Variants in FOXP1 observed in about 807,000 individuals in gnomAD.
FOXP1 encodes forkhead box P1.
Under a neutral mutation model 98.2 loss-of-function variants are expected in FOXP1, and 15 were observed. That is an observed-to-expected ratio of 0.15 (90% confidence interval 0.10 to 0.24). The LOEUF is 0.24. Among genes scored for constraint, FOXP1 ranks in the 10% least tolerant of loss-of-function variants. The pLI is 1.00. For synonymous variants in FOXP1, 371 were observed against 314.5 expected, an observed-to-expected ratio of 1.18 and a Z score of -1.90; for missense variants, 633 against 848.5, an observed-to-expected ratio of 0.75 and a Z score of 3.15.
Position 70,976,883 on chromosome 3 carries a change from C to T in FOXP1, c.1530+58G>A, listed in dbSNP as rs185135694. The T allele has an allele frequency of 1.1e-4, 135 of 1,285,478 alleles. 1 individual carries two copies. Among genetic ancestry groups the T allele is most frequent in the Non-Finnish European group, 1.5e-4 (133 of 881,334 alleles). 79.6% of individuals were successfully genotyped at this position (1,285,478 alleles called of 1,614,324 possible). ...TTATAGCACAACTGCATTTTATCAA[C>T]AACAAACTGTTCTATGAACGTCAAG... On this transcript the variant is annotated intron_variant, in intron 17 of 20. Transcript: ENST00000649528.
chr3:71,412,742 T>C (rs1404062915), intron 3 of FOXP1, among the ~76,000 whole-genome samples: 2 of 152,126 alleles, frequency 1.3e-5, no homozygotes, highest in Non-Finnish European at 2.9e-5. Flanking sequence ...ACTCCACCAC[T>C]GACTTACCCC....
rs563950873 is a variant in FOXP1, at chr3:70,984,889, A to G, written c.1146+3105T>C. On this transcript the variant is annotated intron_variant, in intron 14 of 20. Transcript: ENST00000649528. ...ATCCAAATCTGATGAGTCCCACAAT[A>G]AGATCCAGAAAATGCGTCTATGAGC... Among the ~76,000 whole-genome samples the G allele has an allele frequency of 2.0e-5, 3 of 152,316 alleles. No homozygotes were observed. The East Asian group carries it at 5.8e-4, about 29-fold the overall frequency.
chr3:71,145,491 G>A (rs1260310099), intron 6 of FOXP1, among the ~76,000 whole-genome samples: 3 of 152,220 alleles, frequency 2.0e-5, no homozygotes, highest in South Asian at 4.2e-4. Flanking sequence ...GCAATGAGCT[G>A]AGATCGTACC....
In FOXP1 at chr3:71,311,251, A is replaced by G. The variant is rs142708707; in HGVS notation, c.-72-11371T>C. Among the ~76,000 whole-genome samples the G allele has an allele frequency of 7.4e-3, 1,120 of 152,126 alleles. 30 individuals carry two copies. Among genetic ancestry groups the G allele is most frequent in the Non-Finnish European group, 4.7e-3 (321 of 67,992 alleles). ...CTAGAGGCACGTGCCACCATGCCTC[A>G]CTAGTTTTTTCAATTTTTTGTAGGG... On this transcript the variant is annotated intron_variant, in intron 4 of 20. Transcript: ENST00000649528.
At chr3:71,230,189 G>A (rs1002956940) in intron 5 of FOXP1, among the ~76,000 whole-genome samples, 4 of 152,216 alleles carry the variant, frequency 2.6e-5, no homozygotes, top group East Asian at 1.9e-4. Flanking sequence ...TTACAAGAGC[G>A]TCACTGTGCG....
At chr3:71,519,899 A>G (rs2042854614) in intron 2 of FOXP1, among the ~76,000 whole-genome samples, 1 of 152,258 alleles carries the variant, frequency 6.6e-6, no homozygotes, top group Admixed American at 6.5e-5. Context: ...GTCCCTGCTG[A>G]ATGCAGTCCC....
At chr3:71,376,598 G>GT (rs1435009996) in intron 3 of FOXP1, among the ~76,000 whole-genome samples, 2 of 152,184 alleles carry the variant, frequency 1.3e-5, no homozygotes, top group African/African-American at 4.8e-5. Flanking sequence ...TCAAAATAGC[G>GT]TAAGAAGCCA....
intron 3 of FOXP1, among the ~76,000 whole-genome samples, chr3:71,474,150 GTTT>G (rs553601357): frequency 3.2e-4 from 49 of 152,170 alleles, no homozygotes; most frequent in African/African-American, 1.2e-3. Flanking sequence ...ACACTTAGAT[GTTT>G]TATTGTTTCA....
At chr3:71,097,823 T>C (rs966018979) in intron 7 of FOXP1, among the ~76,000 whole-genome samples, 4 of 152,114 alleles carry the variant, frequency 2.6e-5, no homozygotes, top group Admixed American at 2.0e-4. Context: ...ATTTCTAGAG[T>C]GCCACCTTTG....
chr3:71,248,717 G>A (rs2067950873), intron 5 of FOXP1, among the ~76,000 whole-genome samples: 1 of 147,528 alleles, frequency 6.8e-6, no homozygotes, highest in South Asian at 2.2e-4. Flanking sequence ...CCCCAGCTTG[G>A]GCAACAGAGC....
In FOXP1 at chr3:71,198,270, T is replaced by C. The variant is rs2063423709; in HGVS notation, c.112A>G (p.Asn38Asp). The stretch of plus-strand genomic sequence containing the variant: ...ATGTCCACGGCCGGCGTCTCTCCGT[T>C]GGACCGCCCCTCCCGAAGACCGCCG... ...ECGGLREGRS[N>D]GETPAVDIGA... Residue 38 changes from asparagine to aspartate, a missense_variant, in exon 6 of 21, where the codon AAC (asparagine) becomes GAC (aspartate). Asn to Asp is a conservative substitution (Grantham distance 23, BLOSUM62 1). Transcript: ENST00000649528. 2.5e-6 allele frequency: 4 copies of C among 1,614,064 alleles called. No individual in the cohort carries two copies. In the South Asian group the frequency reaches 4.4e-5, roughly 18 times the overall value.
At chr3:70,980,402 A>C (rs2038625248) in intron 14 of FOXP1, among the ~76,000 whole-genome samples, 1 of 152,184 alleles carries the variant, frequency 6.6e-6, no homozygotes, top group African/African-American at 2.4e-5. Flanking sequence ...CATTTGTAAA[A>C]ATCATGTTTT....
intron 6 of FOXP1, among the ~76,000 whole-genome samples, chr3:71,164,373 G>A (rs544454343): frequency 6.6e-6 from 1 of 152,084 alleles, no homozygotes; most frequent in African/African-American, 2.4e-5. Flanking sequence ...AGAATTTTTT[G>A]TATTTTTAGT....
At chr3:71,056,032 A>T (rs1357460698) in intron 7 of FOXP1, among the ~76,000 whole-genome samples, 3 of 152,192 alleles carry the variant, frequency 2.0e-5, no homozygotes, top group Admixed American at 1.3e-4. Context: ...ACCTTATACT[A>T]GAAAGGGGCA....
At chr3:71,182,881 AC>A (rs141387298) in intron 6 of FOXP1, among the ~76,000 whole-genome samples, 1 of 150,178 alleles carries the variant, frequency 6.7e-6, no homozygotes, top group African/African-American at 2.5e-5. Context: ...CCATTAACAG[AC>A]CCCCCCAAAA....
chr3:71,328,800 C>A (rs778275456), intron 4 of FOXP1, among the ~76,000 whole-genome samples: 2 of 151,788 alleles, frequency 1.3e-5, no homozygotes, highest in Non-Finnish European at 2.9e-5. Flanking sequence ...TGGAGAAACC[C>A]CGTTTCTACT....
intron 5 of FOXP1, among the ~76,000 whole-genome samples, chr3:71,216,992 T>C (rs750540440): frequency 6.6e-6 from 1 of 152,186 alleles, no homozygotes; most frequent in African/African-American, 2.4e-5. Flanking sequence ...AATTACCTGG[T>C]CCACGCATCA....
intron 5 of FOXP1, among the ~76,000 whole-genome samples, chr3:71,251,261 C>T (rs1474170209): frequency 2.0e-5 from 3 of 152,210 alleles, no homozygotes; most frequent in African/African-American, 7.2e-5. Flanking sequence ...GCTCCAGCAA[C>T]TCAAATAACT....
chr3:71,057,062 A>T (rs2050749604), intron 7 of FOXP1, among the ~76,000 whole-genome samples: 1 of 152,194 alleles, frequency 6.6e-6, no homozygotes, highest in Admixed American at 6.5e-5. Flanking sequence ...TGATCACTGT[A>T]ACTACTATCA....
Sources: gnomAD v4.1 joint callset for allele counts (sites outside exome capture counted in the v4.1 genomes callset) on GRCh38, gnomAD v4.1.1 for gene constraint, MANE v1.5 for transcripts, NCBI Gene and HGNC (gene_info 2026-07-23, HGNC 2026-07-21) for gene names.